The following QTMAN variants were observed in gnomAD, a reference collection of about 807,000 sequenced individuals.
QTMAN encodes the protein tRNA-queuosine alpha-mannosyltransferase.
chr2:144,244,691 T>C, the QTMAN span, among the ~76,000 whole-genome samples: 7 of 152,308 alleles, frequency 4.6e-5, no homozygotes, highest in East Asian at 1.2e-3. Context: ...AATAATCTTA[T>C]AGTGGACCAT....
chr2:144,252,105 A>AC, the QTMAN span, among the ~76,000 whole-genome samples: 1 of 152,132 alleles, frequency 6.6e-6, no homozygotes, highest in African/African-American at 2.4e-5. Flanking sequence ...AGTGGCTCAG[A>AC]CTTGTAATCC....
the QTMAN span, among the ~76,000 whole-genome samples, chr2:144,011,054 C>G: frequency 5.9e-5 from 9 of 152,216 alleles, no homozygotes; most frequent in Non-Finnish European, 1.0e-4. Context: ...AAGGTAGTTA[C>G]AAGCTACGGT....
chr2:144,105,691 T>C, the QTMAN span, among the ~76,000 whole-genome samples: 2 of 152,260 alleles, frequency 1.3e-5, no homozygotes, highest in Admixed American at 6.5e-5. Flanking sequence ...CAGGATATTA[T>C]CCAGGAGAAC....
At chr2:144,105,928 G>A in the QTMAN span, among the ~76,000 whole-genome samples, 1 of 152,182 alleles carries the variant, frequency 6.6e-6, no homozygotes, top group African/African-American at 2.4e-5. Context: ...CTACAATCCA[G>A]AAGAGAGTGG....
chr2:144,121,224 G>C, the QTMAN span, among the ~76,000 whole-genome samples: 1 of 152,112 alleles, frequency 6.6e-6, no homozygotes, highest in Non-Finnish European at 1.5e-5. Flanking sequence ...GCACTGGTCT[G>C]GTGGCGGCAC....
the QTMAN span, among the ~76,000 whole-genome samples, chr2:144,270,361 T>A: frequency 6.6e-6 from 1 of 152,172 alleles, no homozygotes; most frequent in African/African-American, 2.4e-5. Flanking sequence ...CACACGTATG[T>A]TTATTGCAGC....
chr2:144,104,735 T>A, the QTMAN span, among the ~76,000 whole-genome samples: 1 of 152,212 alleles, frequency 6.6e-6, no homozygotes, highest in Non-Finnish European at 1.5e-5. Context: ...TAAATGTCCC[T>A]GTCTAACAGC....
the QTMAN span, among the ~76,000 whole-genome samples, chr2:144,052,647 T>C: frequency 1.3e-5 from 2 of 152,268 alleles, no homozygotes; most frequent in Admixed American, 1.3e-4. Flanking sequence ...CTTTCCTTCA[T>C]TTATTTATTT....
chr2:144,194,454 T>C, the QTMAN span, among the ~76,000 whole-genome samples: 1 of 152,122 alleles, frequency 6.6e-6, no homozygotes, highest in East Asian at 1.9e-4. Flanking sequence ...AGAGAGAACA[T>C]CAAAAACCAT....
At chr2:143,939,925 T>C in the QTMAN span, 1 of 152,218 alleles carries the variant, frequency 6.6e-6, no homozygotes, top group Non-Finnish European at 1.5e-5. Flanking sequence ...TCTTTGACCA[T>C]GTTTGTCTCT....
chr2:143,939,169 T>C, the QTMAN span: 1 of 152,236 alleles, frequency 6.6e-6, no homozygotes, highest in Non-Finnish European at 1.5e-5. Flanking sequence ...GTAAAATAAG[T>C]AAGGTGAAAG....
the QTMAN span, among the ~76,000 whole-genome samples, chr2:144,298,463 G>A: frequency 6.6e-6 from 1 of 152,148 alleles, no homozygotes; most frequent in African/African-American, 2.4e-5. Flanking sequence ...GGTATGGGGT[G>A]TTTATTGTAT....
chr2:144,317,008 A>G, the QTMAN span, among the ~76,000 whole-genome samples: 1 of 152,182 alleles, frequency 6.6e-6, no homozygotes, highest in Non-Finnish European at 1.5e-5. Flanking sequence ...TGTCTTACTC[A>G]ATGTCTGGCA....
the QTMAN span, chr2:143,945,720 G>A: frequency 6.6e-6 from 1 of 152,152 alleles, no homozygotes; most frequent in Non-Finnish European, 1.5e-5. Context: ...CTCACTTTGT[G>A]GTGTATAGAA....
At chr2:144,320,380 G>C in the QTMAN span, among the ~76,000 whole-genome samples, 1 of 152,186 alleles carries the variant, frequency 6.6e-6, no homozygotes, top group Non-Finnish European at 1.5e-5. Flanking sequence ...AAGAACCTAA[G>C]TGGAAAGACT....
At chr2:144,197,046 A>T in the QTMAN span, among the ~76,000 whole-genome samples, 2 of 152,122 alleles carry the variant, frequency 1.3e-5, no homozygotes, top group African/African-American at 4.8e-5. Flanking sequence ...TACTTACCCA[A>T]ATCTAGACAG....
chr2:144,133,421 T>TATATA, the QTMAN span, among the ~76,000 whole-genome samples: 3 of 54,832 alleles, frequency 5.5e-5, no homozygotes, highest in East Asian at 9.0e-4. Context: ...TTATATATAA[T>TATATA]ATATATAATA....
At chr2:144,222,310 C>T in the QTMAN span, among the ~76,000 whole-genome samples, 9 of 151,868 alleles carry the variant, frequency 5.9e-5, no homozygotes, top group Middle Eastern at 3.4e-3. Flanking sequence ...CCGCCTGCCT[C>T]GGCCTCCCAA....
At chr2:144,170,765 T>C in the QTMAN span, among the ~76,000 whole-genome samples, 1 of 152,102 alleles carries the variant, frequency 6.6e-6, no homozygotes, top group Non-Finnish European at 1.5e-5. Context: ...CTACATTCTT[T>C]AGGACAAATA....
Sources: gnomAD v4.1 joint callset for allele counts (sites outside exome capture counted in the v4.1 genomes callset) on GRCh38, gnomAD v4.1.1 for gene constraint, MANE v1.5 for transcripts, NCBI Gene and HGNC (gene_info 2026-07-23, HGNC 2026-07-21) for gene names.